The following INSR variants were observed in gnomAD, a reference collection of about 807,000 sequenced individuals.
INSR encodes IR.
INSR carries 67 observed loss-of-function variants against 142.6 expected under a neutral mutation model. The observed-to-expected ratio is 0.47, with a 90% CI of 0.39 to 0.58. The LOEUF (loss-of-function observed/expected upper bound fraction) is 0.58, where lower values mean the gene tolerates loss of function less well. Among genes scored for constraint, INSR ranks in the 20% least tolerant of loss-of-function variants. The probability of loss-of-function intolerance (pLI) is 0.00; values close to 1 mark genes in which losing one functional copy is unlikely to be tolerated. For missense variants in INSR, 1,248 were observed against 1,833.2 expected, an observed-to-expected ratio of 0.68 and a Z score of 5.83; for synonymous variants, 756 against 743.1, an observed-to-expected ratio of 1.02 and a Z score of -0.28.
At chr19:7,226,728 C>CAACAAA (rs1975798451) in intron 2 of INSR, among the ~76,000 whole-genome samples, 1 of 112,888 alleles carries the variant, frequency 8.9e-6, no homozygotes, top group African/African-American at 3.6e-5. Context: ...ACCCTGTTTC[C>CAACAAA]AAAAAAAAAA....
intron 11 of INSR, among the ~76,000 whole-genome samples, chr19:7,148,166 G>A: frequency 6.6e-6 from 1 of 151,962 alleles, no homozygotes; most frequent in Non-Finnish European, 1.5e-5. Flanking sequence ...TGCCTGCCTG[G>A]GCCTCCCAAA....
At position 7,158,363 on chromosome 19, in the gene INSR, T is replaced by A. The variant is rs947111707; in HGVS notation, c.2029+4669A>T. 4.0e-5 allele frequency among the ~76,000 whole-genome samples: 6 copies of A among 151,808 alleles called. 1 individual carries two copies. The highest frequency in any genetic ancestry group is 4.2e-4 in the South Asian group (2 of 4,802). On this transcript the variant is annotated intron_variant, in intron 9 of 21. Coordinates refer to ENST00000302850, the MANE Select transcript of INSR (RefSeq NM_000208.4). ...AAAAATACAAAAAATTAGCCGGGCG[T>A]GGTGGCGGGCGCCTGTAGTCCCAGC... is the stretch of plus-strand genomic sequence containing the variant.
At chr19:7,207,901 A>AAAGGAAGGAAGGAAGGAAGG (rs35679001) in intron 2 of INSR, among the ~76,000 whole-genome samples, 4,102 of 72,690 alleles carry the variant, frequency 0.056, 252 homozygotes, top group Non-Finnish European at 0.075. Flanking sequence ...GGAAGGAAGG[A>AAAGGAAGGAAGGAAGGAAGG]AAGGAAGGAA....
intron 9 of INSR, among the ~76,000 whole-genome samples, chr19:7,153,598 G>A (rs924002106): frequency 1.3e-5 from 2 of 151,922 alleles, no homozygotes; most frequent in African/African-American, 4.8e-5. Flanking sequence ...CACGCCTGTG[G>A]TCCCAGCTAC....
At chr19:7,132,414 G>T in intron 13 of INSR, 97 bp from the exon 14 acceptor site, 1 of 1,384,938 alleles carries the variant, frequency 7.2e-7, no homozygotes. Flanking sequence ...ATCCTGCTCA[G>T]AAATGACGCC....
Position 7,127,989 on chromosome 19 carries a change from G to A in INSR, c.2945+863C>T, listed in dbSNP as rs138178691. Among the ~76,000 whole-genome samples, 402 of 151,920 alleles carry A rather than the reference G, an allele frequency of 2.6e-3. 15 individuals are homozygous for A. The East Asian group carries it at 0.064, about 24-fold the overall frequency. The stretch of plus-strand genomic sequence containing the variant: ...GAACTCCTGACCTCATGATCCGCCC[G>A]CCTCGGCCTCCCAAAGTGTTGGGAT... On this transcript the variant is annotated intron_variant, in intron 15 of 21. Transcript: ENST00000302850.
chr19:7,210,027 G>T (rs1203607024), intron 2 of INSR, among the ~76,000 whole-genome samples: 2 of 152,018 alleles, frequency 1.3e-5, no homozygotes, highest in Non-Finnish European at 2.9e-5. Flanking sequence ...GATTCAAAAT[G>T]ACCCCCAAGA....
intron 2 of INSR, among the ~76,000 whole-genome samples, chr19:7,255,505 C>CTTTTTT (rs55764352): frequency 2.2e-5 from 3 of 135,082 alleles, no homozygotes; most frequent in Non-Finnish European, 3.2e-5. Context: ...CCTGTCTTTT[C>CTTTTTT]TTTTTTTTTT....
At chr19:7,265,263 T>C (rs1200489163) in intron 2 of INSR, among the ~76,000 whole-genome samples, 1 of 152,094 alleles carries the variant, frequency 6.6e-6, no homozygotes, top group East Asian at 1.9e-4. Context: ...CTCTGTGGCA[T>C]GGAGAGGCAG....
At position 7,122,747 on chromosome 19, in the gene INSR, G is replaced by C; in HGVS notation, c.3396C>G (p.Thr1132=). The change falls in exon 19 of 22, where the codon ACC becomes ACG. Residue 1132 remains threonine, a synonymous_variant. Coordinates refer to ENST00000302850, the MANE Select transcript of INSR (RefSeq NM_000208.4). ...AENNPGRPPP[T]LQEMIQMAAE... The stretch of plus-strand genomic sequence containing the variant: ...CCGCCATCTGAATCATCTCTTGAAG[G>C]GTAGGGGGAGGGCGGCCAGGATTAT... The C allele has an allele frequency of 6.2e-7, 1 of 1,614,156 alleles. No homozygotes were observed. Among genetic ancestry groups the C allele is most frequent in the South Asian group, 1.1e-5 (1 of 91,084 alleles).
At chr19:7,248,300 C>A (rs1039282463) in intron 2 of INSR, among the ~76,000 whole-genome samples, 1 of 149,258 alleles carries the variant, frequency 6.7e-6, no homozygotes, top group Non-Finnish European at 1.5e-5. Flanking sequence ...CGTGCACCAC[C>A]GCGCCTGGCT....
intron 4 of INSR, among the ~76,000 whole-genome samples, chr19:7,172,721 C>T (rs999975863): frequency 6.6e-6 from 1 of 152,052 alleles, no homozygotes; most frequent in Non-Finnish European, 1.5e-5. Flanking sequence ...CTTTCCCATA[C>T]CAGAGACTTC....
intron 1 of INSR, among the ~76,000 whole-genome samples, chr19:7,280,583 G>C (rs1381099711): frequency 6.6e-6 from 1 of 151,978 alleles, no homozygotes; most frequent in Non-Finnish European, 1.5e-5. Context: ...TGGGCATGGT[G>C]GCGTATGCCT....
chr19:7,213,819 C>G (rs1486761832), intron 2 of INSR, among the ~76,000 whole-genome samples: 1 of 152,152 alleles, frequency 6.6e-6, no homozygotes, highest in Non-Finnish European at 1.5e-5. Flanking sequence ...GAAACCCCAT[C>G]TCTAGTAAAG....
In INSR at chr19:7,168,654, G is replaced by T. The variant is rs1016049278; in HGVS notation, c.1484-560C>A. Among the ~76,000 whole-genome samples, 1 of 151,966 alleles carries T rather than the reference G, an allele frequency of 6.6e-6. No individual in the cohort carries two copies. The highest frequency in any genetic ancestry group is 2.4e-5 in the African/African-American group (1 of 41,384). On this transcript the variant is annotated intron_variant, in intron 6 of 21. Coordinates refer to ENST00000302850, the MANE Select transcript of INSR (RefSeq NM_000208.4). The surrounding 1 kb of genome is among the most constrained non-coding windows in gnomAD (Gnocchi z 4.3). ...ACTACATTTTTTTTGAGACAGTCTTGCTCTGTCACCAAGGCTGGAGTGCAG... is the reference window on the plus strand; with the variant it reads ...ACTACATTTTTTTTGAGACAGTCTTTCTCTGTCACCAAGGCTGGAGTGCAG...
intron 13 of INSR, among the ~76,000 whole-genome samples, chr19:7,134,496 G>C (rs1972860097): frequency 6.6e-6 from 1 of 151,922 alleles, no homozygotes; most frequent in Non-Finnish European, 1.5e-5. Flanking sequence ...CCCGGGCACG[G>C]TGGCTCATGC....
chr19:7,156,052 CTTTTTTTTTTTTT>C (rs147889782), intron 9 of INSR, among the ~76,000 whole-genome samples: 18 of 67,374 alleles, frequency 2.7e-4, no homozygotes, highest in Non-Finnish European at 4.8e-4. Flanking sequence ...ATATGGAATT[CTTTTTTTTTTTTT>C]TTTTTTTTTT....
At chr19:7,275,056 A>T (rs931670781) in intron 1 of INSR, among the ~76,000 whole-genome samples, 4 of 151,292 alleles carry the variant, frequency 2.6e-5, no homozygotes, top group African/African-American at 9.7e-5. Context: ...GCTCACTGCA[A>T]CCTCTGCCGC....
intron 2 of INSR, among the ~76,000 whole-genome samples, chr19:7,199,139 C>T (rs560478689): frequency 1.3e-5 from 2 of 152,204 alleles, no homozygotes; most frequent in South Asian, 4.1e-4. Flanking sequence ...CCTCAGTCTA[C>T]CAAAGTGTTG....
Sources: gnomAD v4.1 joint callset for allele counts (sites outside exome capture counted in the v4.1 genomes callset) on GRCh38, gnomAD v4.1.1 for gene constraint, Gnocchi (gnomAD v3.1) non-coding constraint, MANE v1.5 for transcripts, NCBI Gene and HGNC (gene_info 2026-07-23, HGNC 2026-07-21) for gene names.